Variants in SETD7 observed in about 807,000 individuals in gnomAD.
The protein encoded by SETD7 is histone-lysine N-methyltransferase SETD7.
A neutral mutation model predicts 41.8 loss-of-function variants in SETD7; 16 were observed. The observed-to-expected ratio is 0.38, with a 90% CI of 0.26 to 0.58. The LOEUF (loss-of-function observed/expected upper bound fraction) is 0.58, where lower values mean the gene tolerates loss of function less well. Among genes scored for constraint, SETD7 ranks in the 20% least tolerant of loss-of-function variants. The pLI is 0.64. For synonymous variants in SETD7, 163 were observed against 169.7 expected (o/e 0.96, Z 0.31); for missense variants, 346 against 459.7 (o/e 0.75, Z 2.26).
intron 5 of SETD7, among the ~76,000 whole-genome samples, chr4:139,520,718 C>G (rs79249074): frequency 0.012 from 1,845 of 152,294 alleles, 37 homozygotes; most frequent in African/African-American, 0.042. Flanking sequence ...ACAATTTTCA[C>G]TGCCTTACTG....
At chr4:139,516,892 C>T (rs1727041563) in intron 7 of SETD7, among the ~76,000 whole-genome samples, 1 of 152,142 alleles carries the variant, frequency 6.6e-6, no homozygotes, top group African/African-American at 2.4e-5. Flanking sequence ...AGTGAGATCC[C>T]ATACCCATTA....
At position 139,533,359 on chromosome 4, in the gene SETD7, C is replaced by T; in HGVS notation, c.178G>A (p.Glu60Lys). ...AAGGCATCATCCACATAATACCCCT[C>T]CAGGGTGCTGTGAGGAAAGGAAAAA... Reference protein sequence around the residue: ...KFFFFDGSTLEGYYVDDALQG... With the variant: ...KFFFFDGSTLKGYYVDDALQG... The change falls in exon 3 of 8, where the codon GAG (glutamate) becomes AAG (lysine). Residue 60 changes from glutamate (E) to lysine (K), a missense_variant. By Grantham distance (56) the Glu-to-Lys change is moderately conservative. Transcript: ENST00000274031. 6.2e-7 allele frequency: 1 copy of T among 1,613,396 alleles called. No homozygotes were observed. Among genetic ancestry groups the T allele is most frequent in the Non-Finnish European group, 8.5e-7 (1 of 1,179,646 alleles).
At chr4:139,515,870 C>T (rs886767299) in intron 7 of SETD7, among the ~76,000 whole-genome samples, 7 of 152,194 alleles carry the variant, frequency 4.6e-5, no homozygotes, top group Non-Finnish European at 1.0e-4. Flanking sequence ...CGAGGGACTG[C>T]AAGCTATAAC....
At chr4:139,529,952 C>T (rs571346815) in intron 3 of SETD7, among the ~76,000 whole-genome samples, 64 of 152,308 alleles carry the variant, frequency 4.2e-4, no homozygotes, top group African/African-American at 1.2e-3. Context: ...AGCAGAGCAG[C>T]GCACTTAGCT....
In SETD7 at chr4:139,555,635, G is replaced by A. The variant is rs567686685; in HGVS notation, c.40+463C>T. ...CCCGGACGGGGCCGCGGCCGCCGCG[G>A]GGCGCAGAGGCAGCAGAAGGGAAGG... On this transcript the variant is annotated intron_variant, in intron 1 of 7. Coordinates refer to ENST00000274031, the MANE Select transcript of SETD7 (RefSeq NM_030648.4). The surrounding 1 kb of genome is among the most constrained non-coding windows in gnomAD (Gnocchi z 4.0). Among the ~76,000 whole-genome samples the A allele has an allele frequency of 1.4e-4, 22 of 152,180 alleles. No homozygotes were observed. Among genetic ancestry groups the A allele is most frequent in the African/African-American group, 4.6e-4 (19 of 41,556 alleles).
chr4:139,523,231 A>C, intron 5 of SETD7, 123 bp downstream of exon 5: 1 of 622,320 alleles, frequency 1.6e-6, no homozygotes, highest in Non-Finnish European at 2.9e-6. Flanking sequence ...CACTTTCATG[A>C]GGAGCTTGGT....
Position 139,537,317 on chromosome 4 carries a change from T to C in SETD7, c.171-3951A>G, listed in dbSNP as rs115880234. ...CCTGGGCAACAGAGCGAGACTTGTATCCATTAAAATGTTAATATCGGGTCA... is the reference window on the plus strand; with the variant it reads ...CCTGGGCAACAGAGCGAGACTTGTACCCATTAAAATGTTAATATCGGGTCA... On this transcript the variant is annotated intron_variant, in intron 2 of 7. Coordinates refer to ENST00000274031, the MANE Select transcript of SETD7 (RefSeq NM_030648.4). 9.7e-3 allele frequency among the ~76,000 whole-genome samples: 1,477 copies of C among 152,302 alleles called. 27 individuals are homozygous for C. The highest frequency in any genetic ancestry group is 0.034 in the African/African-American group (1,421 of 41,568).
At position 139,520,316 on chromosome 4, in the gene SETD7, A is replaced by G. The variant is rs1727144905; in HGVS notation, c.723T>C (p.Val241=). 6.8e-6 allele frequency: 11 copies of G among 1,607,614 alleles called. No individual in the cohort carries two copies. In the East Asian group the frequency reaches 2.5e-4, roughly 36 times the overall value. Residue 241 remains valine, a synonymous_variant, in exon 6 of 8, where the codon GTT becomes GTC. Coordinates refer to ENST00000274031, the MANE Select transcript of SETD7 (RefSeq NM_030648.4). ...FSKVAVGPNT[V]MSFYNGVRIT... Reference sequence around the variant, plus strand: ...TTCGAACTCCATTATAAAAAGACATAACAGTATTAGGTCCCACAGCTACCT... The same window carrying G: ...TTCGAACTCCATTATAAAAAGACATGACAGTATTAGGTCCCACAGCTACCT...
At chr4:139,525,535 A>G (rs1560682371) in intron 4 of SETD7, among the ~76,000 whole-genome samples, 1 of 152,234 alleles carries the variant, frequency 6.6e-6, no homozygotes, top group Non-Finnish European at 1.5e-5. Context: ...AGCCAAGGAA[A>G]GCAGTTACTA....
intron 2 of SETD7, chr4:139,546,349 C>G (rs149461760): frequency 1.4e-3 from 299 of 208,840 alleles, no homozygotes; most frequent in African/African-American, 6.8e-3. Context: ...CTTTGCCAAG[C>G]ATTTTTTCAT....
At chr4:139,549,602 T>G (rs1728054886) in intron 1 of SETD7, among the ~76,000 whole-genome samples, 1 of 151,808 alleles carries the variant, frequency 6.6e-6, no homozygotes, top group Non-Finnish European at 1.5e-5. Flanking sequence ...CCTCTTTCTC[T>G]TCCTCCTTCC....
intron 7 of SETD7, 72 bp from the exon 8 acceptor site, chr4:139,511,915 T>C: frequency 1.7e-5 from 26 of 1,533,240 alleles, no homozygotes; most frequent in Non-Finnish European, 2.0e-5. Flanking sequence ...AGGGAGGGGC[T>C]GATACAGGAA....
Position 139,499,500 on chromosome 4 carries a change from T to C in SETD7, c.921-2979A>G, listed in dbSNP as rs1454256901. Among the ~76,000 whole-genome samples the C allele has an allele frequency of 2.0e-5, 3 of 152,188 alleles. No individual in the cohort carries two copies. In the East Asian group the frequency reaches 5.8e-4, roughly 29 times the overall value. On this transcript the variant is annotated intron_variant, in intron 7 of 7. Transcript: ENST00000506866. ...AAACCTGAAGAATCGGTCTTTGAGATATTTTTCAGATTTAGCATTTCAGCA... is the reference window on the plus strand; with the variant it reads ...AAACCTGAAGAATCGGTCTTTGAGACATTTTTCAGATTTAGCATTTCAGCA...
intron 6 of SETD7, among the ~76,000 whole-genome samples, chr4:139,518,561 C>T (rs1727094247): frequency 6.6e-6 from 1 of 152,102 alleles, no homozygotes; most frequent in Admixed American, 6.6e-5. Context: ...ATTCATTTTT[C>T]CTTGTTCTAT....
At chr4:139,532,309 T>C (rs918187275) in intron 3 of SETD7, among the ~76,000 whole-genome samples, 5 of 152,026 alleles carry the variant, frequency 3.3e-5, no homozygotes, top group Non-Finnish European at 7.4e-5. Context: ...TGTGATGACA[T>C]AGGCCTGTAA....
intron 2 of SETD7, among the ~76,000 whole-genome samples, chr4:139,544,857 G>T (rs1328424790): frequency 1.3e-5 from 2 of 151,714 alleles, no homozygotes; most frequent in African/African-American, 4.9e-5. Context: ...GGCGGAGGGG[G>T]TGTTCTGGGT....
At chr4:139,533,980 T>A (rs1579215899) in intron 2 of SETD7, among the ~76,000 whole-genome samples, 1 of 152,106 alleles carries the variant, frequency 6.6e-6, no homozygotes, top group African/African-American at 2.4e-5. Context: ...TATGTATGTA[T>A]GTATGTATGT....
In SETD7 at chr4:139,511,512, C is replaced by A; in HGVS notation, c.*151G>T. ...TCTGGTATGAGTAATACAGTCAAAC[C>A]TAGTTAGTATGCGAGAAAGTCGTTG... On this transcript the variant is annotated 3_prime_UTR_variant, in exon 8 of 8. Coordinates refer to ENST00000274031, the MANE Select transcript of SETD7 (RefSeq NM_030648.4). 1 of 1,431,416 alleles carries A rather than the reference C, an allele frequency of 7.0e-7. No homozygotes were observed. Among genetic ancestry groups the A allele is most frequent in the Non-Finnish European group, 9.5e-7 (1 of 1,052,478 alleles). 88.7% of individuals were successfully genotyped at this position (1,431,416 alleles called of 1,614,324 possible). A position where few individuals can be genotyped will look rare whatever the true frequency, so the allele number is the denominator to read the frequency against.
intron 2 of SETD7, 168 bp downstream of exon 2, chr4:139,546,752 C>A: frequency 1.2e-6 from 1 of 857,776 alleles, no homozygotes; most frequent in Non-Finnish European, 1.8e-6. Context: ...GTCCCATAAC[C>A]ACAGGGTGAC....
Sources: allele counts gnomAD v4.1 joint callset (sites outside exome capture counted in the v4.1 genomes callset), GRCh38; gene constraint gnomAD v4.1.1; non-coding constraint Gnocchi (gnomAD v3.1); transcripts MANE v1.5; gene names NCBI Gene and HGNC (gene_info 2026-07-23, HGNC 2026-07-21).